The following SLC25A37 variants were observed in gnomAD, a reference collection of about 807,000 sequenced individuals.
SLC25A37 encodes solute carrier family 25 member 37, also known as mitoferrin-1.
Under a neutral mutation model 31.0 loss-of-function variants are expected in SLC25A37, and 17 were observed. The observed-to-expected ratio is 0.55, with a 90% CI of 0.38 to 0.82. The LOEUF is 0.82. Among genes scored for constraint, SLC25A37 ranks in the 40% least tolerant of loss-of-function variants. SLC25A37 has a pLI of 0.00. For synonymous variants in SLC25A37, 222 were observed against 193.0 expected, an observed-to-expected ratio of 1.15 and a Z score of -1.24; for missense variants, 404 against 465.8, an observed-to-expected ratio of 0.87 and a Z score of 1.22.
At chr8:23,564,407 A>G (rs1433234320) in intron 1 of SLC25A37, among the ~76,000 whole-genome samples, 1 of 145,624 alleles carries the variant, frequency 6.9e-6, no homozygotes, top group Non-Finnish European at 1.5e-5. Context: ...TTTTGTTTGG[A>G]GATAAAAGGA....
intron 1 of SLC25A37, among the ~76,000 whole-genome samples, chr8:23,540,847 G>C (rs1400796841): frequency 6.6e-6 from 1 of 152,224 alleles, no homozygotes; most frequent in Non-Finnish European, 1.5e-5. Flanking sequence ...TACGCATGTA[G>C]TGAGAAAATA....
chr8:23,533,274 C>G (rs17089330), intron 1 of SLC25A37, among the ~76,000 whole-genome samples: 7,271 of 152,180 alleles, frequency 0.048, 236 homozygotes, highest in Admixed American at 0.095. Flanking sequence ...TTTGGAGGCG[C>G]GTGCCCAAGA....
chr8:23,547,895 C>T (rs1012006555), intron 1 of SLC25A37, among the ~76,000 whole-genome samples: 2 of 152,218 alleles, frequency 1.3e-5, no homozygotes, highest in African/African-American at 2.4e-5. Context: ...TTCTGGAAGG[C>T]TCTGTTTACA....
rs765736900 is a variant in SLC25A37 at position 23,573,835 on chromosome 8, C to A, written c.*1980C>A. ...TTCTCCCTGCTCTGCCCCCCACTCC[C>A]CAAAACCAGTTGCAGCCTCAACCCA... is the stretch of plus-strand genomic sequence containing the variant. On this transcript the variant is annotated 3_prime_UTR_variant, in exon 4 of 4. Transcript: ENST00000519973. 3 of 456,744 alleles carry A rather than the reference C, an allele frequency of 6.6e-6. No homozygotes were observed. Among genetic ancestry groups the A allele is most frequent in the Non-Finnish European group, 1.3e-5 (3 of 226,972 alleles). 28.3% of individuals were successfully genotyped at this position (456,744 alleles called of 1,614,324 possible).
In SLC25A37 at chr8:23,529,622, GC is replaced by G. The variant is rs751117781; in HGVS notation, c.210+411del. Among the ~76,000 whole-genome samples, 32 of 152,206 alleles carry G rather than the reference GC, an allele frequency of 2.1e-4. No homozygotes were observed. Among genetic ancestry groups the G allele is most frequent in the Non-Finnish European group, 4.1e-4 (28 of 68,034 alleles). The stretch of plus-strand genomic sequence containing the variant: ...CCACACGTGCGCGGTTTCCGAGGGA[GC>G]TCCCCGCAGGGGAAGCCCTCACCAC... On this transcript the variant is annotated intron_variant, in intron 1 of 3. Transcript: ENST00000519973. This position sits in a 1 kb window ranked among gnomAD's most constrained non-coding sequence, Gnocchi z 4.1.
rs1180935960 is a variant in SLC25A37 at position 23,529,104 on chromosome 8, G to C, written c.102G>C (p.Glu34Asp). 1.2e-6 allele frequency: 2 copies of C among 1,609,464 alleles called. No homozygotes were observed. Among genetic ancestry groups the C allele is most frequent in the Non-Finnish European group, 1.7e-6 (2 of 1,178,612 alleles). Residue 34 changes from glutamate (E) to aspartate (D), a missense_variant, in exon 1 of 4, where the codon GAG becomes GAC. Glu to Asp is a conservative substitution (Grantham distance 45). Coordinates refer to ENST00000519973, the MANE Select transcript of SLC25A37 (RefSeq NM_016612.4). The surrounding 1 kb of genome is among the most constrained non-coding windows in gnomAD (Gnocchi z 4.1). ...GGGGKDATGS[E>D]DYENLPTSAS... Reference sequence around the variant, plus strand: ...GCGGCAAGGACGCCACCGGGTCGGAGGACTACGAGAACCTGCCGACTAGCG... The same window carrying C: ...GCGGCAAGGACGCCACCGGGTCGGACGACTACGAGAACCTGCCGACTAGCG...
Position 23,571,872 on chromosome 8 carries a change from ATCTTT to A in SLC25A37, c.*22_*26del, listed in dbSNP as rs1383940372. On this transcript the variant is annotated 3_prime_UTR_variant, in exon 4 of 4. Transcript: ENST00000519973. ...CCATACTAAAGGAAGGGATCATAGA[ATCTTT>A]TCTTAAAGTCATTCTCTGCCTGCAT... is the stretch of plus-strand genomic sequence containing the variant. 5.6e-6 allele frequency: 9 copies of A among 1,602,036 alleles called. No homozygotes were observed. The highest frequency in any genetic ancestry group is 2.2e-5 in the East Asian group (1 of 44,568).
At chr8:23,568,087 C>T in intron 2 of SLC25A37, 1 of 582,616 alleles carries the variant, frequency 1.7e-6, no homozygotes, top group Admixed American at 2.6e-5. Flanking sequence ...AGAAAGAAAA[C>T]CATGTTTTTG....
intron 1 of SLC25A37, among the ~76,000 whole-genome samples, chr8:23,562,312 C>T (rs1273579816): frequency 1.6e-4 from 25 of 152,164 alleles, no homozygotes; most frequent in Admixed American, 1.5e-3. Flanking sequence ...TTGAGAAATG[C>T]GGTGACACGT....
rs775573076 is a variant in SLC25A37, at chr8:23,573,824, C to T, written c.*1969C>T. 4 of 456,566 alleles carry T rather than the reference C, an allele frequency of 8.8e-6. No individual in the cohort carries two copies. The highest frequency in any genetic ancestry group is 6.2e-5 in the South Asian group (4 of 64,568). 28.3% of individuals were successfully genotyped at this position (456,566 alleles called of 1,614,324 possible). A position where few individuals can be genotyped will look rare whatever the true frequency, so the allele number is the denominator to read the frequency against. ...CAGTTAACGCCTTCTCCCTGCTCTG[C>T]CCCCCACTCCCCAAAACCAGTTGCA... On this transcript the variant is annotated 3_prime_UTR_variant, in exon 4 of 4. Transcript: ENST00000519973.
Position 23,554,988 on chromosome 8 carries a change from A to G in SLC25A37, c.211-11120A>G, listed in dbSNP as rs370386667. On this transcript the variant is annotated intron_variant, in intron 1 of 3. Transcript: ENST00000519973. ...TAAAGTAAATTCCACACACTCCAGCAAGGTATTCAGGGCCTTGCATGGTCT... is the reference window on the plus strand; with the variant it reads ...TAAAGTAAATTCCACACACTCCAGCGAGGTATTCAGGGCCTTGCATGGTCT... Among the ~76,000 whole-genome samples, 11 of 152,274 alleles carry G rather than the reference A, an allele frequency of 7.2e-5. No homozygotes were observed. The East Asian group carries it at 1.9e-3, about 27-fold the overall frequency.
At chr8:23,545,493 G>T (rs974611005) in intron 1 of SLC25A37, among the ~76,000 whole-genome samples, 7 of 152,226 alleles carry the variant, frequency 4.6e-5, no homozygotes, top group Non-Finnish European at 1.0e-4. Context: ...ACCGAGTCCT[G>T]TTTCTCCAAC....
chr8:23,539,490 G>A (rs1240886911), intron 1 of SLC25A37, among the ~76,000 whole-genome samples: 1 of 152,216 alleles, frequency 6.6e-6, no homozygotes, highest in Non-Finnish European at 1.5e-5. Flanking sequence ...TGTGGGTGGG[G>A]GACCCGGAGG....
At chr8:23,553,723 G>A (rs917702368) in intron 1 of SLC25A37, among the ~76,000 whole-genome samples, 2 of 152,238 alleles carry the variant, frequency 1.3e-5, no homozygotes, top group African/African-American at 4.8e-5. Context: ...TTAGGAGACA[G>A]AATGGGTTGG....
chr8:23,536,228 C>A (rs1801764658), intron 1 of SLC25A37, among the ~76,000 whole-genome samples: 1 of 152,194 alleles, frequency 6.6e-6, no homozygotes, highest in Non-Finnish European at 1.5e-5. Flanking sequence ...GACTTCTCAC[C>A]TTGACCTCAC....
At chr8:23,537,722 T>C (rs376144494) in intron 1 of SLC25A37, among the ~76,000 whole-genome samples, 1 of 152,212 alleles carries the variant, frequency 6.6e-6, no homozygotes, top group African/African-American at 2.4e-5. Context: ...TCATGGTGTT[T>C]TTTGTCACAC....
At chr8:23,554,819 T>C (rs756212276) in intron 1 of SLC25A37, among the ~76,000 whole-genome samples, 1 of 152,228 alleles carries the variant, frequency 6.6e-6, no homozygotes, top group Non-Finnish European at 1.5e-5. Context: ...TCCAGGGGCC[T>C]GGTAGGGAAG....
In SLC25A37 at chr8:23,529,891, C is replaced by A. The variant is rs993981865; in HGVS notation, c.210+679C>A. 9.9e-5 allele frequency among the ~76,000 whole-genome samples: 15 copies of A among 152,146 alleles called. No homozygotes were observed. The highest frequency in any genetic ancestry group is 9.8e-4 in the Admixed American group (15 of 15,280). Reference sequence around the variant, plus strand: ...CAATGACGTTTGCCTTCTCCTTTTGCTTGCGGGGAGGTGGGTGGGCTTGTG... The same window carrying A: ...CAATGACGTTTGCCTTCTCCTTTTGATTGCGGGGAGGTGGGTGGGCTTGTG... On this transcript the variant is annotated intron_variant, in intron 1 of 3. Transcript: ENST00000519973. The surrounding 1 kb of genome is among the most constrained non-coding windows in gnomAD (Gnocchi z 4.1).
At chr8:23,554,552 A>G (rs1343416586) in intron 1 of SLC25A37, among the ~76,000 whole-genome samples, 1 of 152,214 alleles carries the variant, frequency 6.6e-6, no homozygotes, top group Non-Finnish European at 1.5e-5. Context: ...TGGGCCACAT[A>G]TGGGATATTC....
Sources: gnomAD v4.1 joint callset for allele counts (sites outside exome capture counted in the v4.1 genomes callset) on GRCh38, gnomAD v4.1.1 for gene constraint, Gnocchi (gnomAD v3.1) non-coding constraint, MANE v1.5 for transcripts, NCBI Gene and HGNC (gene_info 2026-07-23, HGNC 2026-07-21) for gene names.